NPSR1: variants seen among roughly 807,000 people sequenced by gnomAD.
The protein encoded by NPSR1 is neuropeptide S receptor.
In NPSR1, 48 loss-of-function variants were observed where a neutral mutation model predicts 46.9. The observed-to-expected ratio is 1.02, with a 90% CI of 0.81 to 1.30. NPSR1 has a LOEUF of 1.30. Among genes scored for constraint, NPSR1 ranks in the 50% most tolerant of loss-of-function variants. The pLI, the probability that NPSR1 is intolerant of heterozygous loss-of-function variation, is 0.00. For synonymous variants in NPSR1, 176 were observed against 168.1 expected (o/e 1.05, Z -0.36); for missense variants, 450 against 449.5 (o/e 1.00, Z -0.01).
At chr7:34,730,337 T>C (rs1784365952) in intron 2 of NPSR1, among the ~76,000 whole-genome samples, 1 of 152,206 alleles carries the variant, frequency 6.6e-6, no homozygotes. Flanking sequence ...CTGTGTTGCC[T>C]GAAGACCTCT....
chr7:34,802,184 A>G (rs1324766373), intron 3 of NPSR1, among the ~76,000 whole-genome samples: 9 of 150,464 alleles, frequency 6.0e-5, no homozygotes, highest in Non-Finnish European at 4.4e-5. Flanking sequence ...CAAGCTACAA[A>G]TGACTTTCTT....
chr7:34,823,399 G>GAAAAAGAAAAAAAAAAAAAAAAAAAAAA (rs1554336128), intron 4 of NPSR1, among the ~76,000 whole-genome samples: 1 of 68,272 alleles, frequency 1.5e-5, no homozygotes, highest in African/African-American at 5.1e-5. Context: ...GACTTCACCA[G>GAAAAAGAAAAAAAAAAAAAAAAAAAAAA]AAAAAAAAAA....
intron 8 of NPSR1, among the ~76,000 whole-genome samples, chr7:34,870,225 A>G (rs1306625688): frequency 6.6e-6 from 1 of 151,798 alleles, no homozygotes; most frequent in Non-Finnish European, 1.5e-5. Flanking sequence ...TAGTCATGTG[A>G]CTGTCACCCC....
chr7:34,841,783 C>A (rs529007793), intron 6 of NPSR1, among the ~76,000 whole-genome samples: 2 of 152,172 alleles, frequency 1.3e-5, no homozygotes, highest in Non-Finnish European at 2.9e-5. Flanking sequence ...GATTTCAGAG[C>A]ACAAATGTCA....
intron 2 of NPSR1, among the ~76,000 whole-genome samples, chr7:34,703,371 A>AAAATAAATAAATAAAT (rs35157717): frequency 7.4e-5 from 11 of 148,654 alleles, no homozygotes; most frequent in African/African-American, 2.0e-4. Context: ...ACTCCGTCTC[A>AAAATAAATAAATAAAT]AAATAAATAA....
Position 34,844,899 on chromosome 7 carries a change from G to C in NPSR1, c.761G>C (p.Gly254Ala). Residue 254 changes from glycine to alanine, a missense_variant, in exon 7 of 9, where the codon GGG becomes GCG. Coordinates refer to ENST00000360581, the MANE Select transcript of NPSR1 (RefSeq NM_207172.2). Reference protein sequence around the residue: ...YETVISNCSDGKLCSSYNRGL... With the variant: ...YETVISNCSDAKLCSSYNRGL... The stretch of plus-strand genomic sequence containing the variant: ...TATTCCCCTCTTGTATCTACAGATG[G>C]GAAACTGTGCAGCAGCTATAACCGA... 1 of 1,601,846 alleles carries C rather than the reference G, an allele frequency of 6.2e-7. No homozygotes were observed. Among genetic ancestry groups the C allele is most frequent in the Non-Finnish European group, 8.6e-7 (1 of 1,168,904 alleles).
chr7:34,820,557 G>A (rs1789501909), intron 4 of NPSR1, among the ~76,000 whole-genome samples: 1 of 152,170 alleles, frequency 6.6e-6, no homozygotes, highest in Non-Finnish European at 1.5e-5. Context: ...TTTATTCTGA[G>A]TGAAATATCA....
At chr7:34,722,314 T>C (rs1783900628) in intron 2 of NPSR1, among the ~76,000 whole-genome samples, 1 of 152,186 alleles carries the variant, frequency 6.6e-6, no homozygotes, top group Non-Finnish European at 1.5e-5. Context: ...TAAACTGTAA[T>C]ATGTGGTATA....
At chr7:34,871,064 C>G (rs978915896) in intron 8 of NPSR1, among the ~76,000 whole-genome samples, 6 of 151,798 alleles carry the variant, frequency 4.0e-5, no homozygotes, top group Non-Finnish European at 8.8e-5. Flanking sequence ...TTGATATAAA[C>G]AAGTATCTGG....
intron 7 of NPSR1, among the ~76,000 whole-genome samples, chr7:34,847,301 G>A (rs1790770060): frequency 6.6e-6 from 1 of 152,158 alleles, no homozygotes; most frequent in South Asian, 2.1e-4. Flanking sequence ...GGGAGAAGGA[G>A]AGTGGAGAAT....
At chr7:34,775,189 T>C (rs1382983982) in intron 2 of NPSR1, among the ~76,000 whole-genome samples, 1 of 152,248 alleles carries the variant, frequency 6.6e-6, no homozygotes, top group Non-Finnish European at 1.5e-5. Flanking sequence ...AATGTTCAGA[T>C]GGTCCATGTC....
At chr7:34,872,383 C>G (rs1361837417) in intron 8 of NPSR1, among the ~76,000 whole-genome samples, 2 of 151,960 alleles carry the variant, frequency 1.3e-5, no homozygotes, top group Admixed American at 1.3e-4. Context: ...TTCTAAAGTG[C>G]CTTCAAGGCC....
At chr7:34,733,418 T>TAAAAAA (rs34203443) in intron 2 of NPSR1, among the ~76,000 whole-genome samples, 2 of 131,772 alleles carry the variant, frequency 1.5e-5, no homozygotes. Flanking sequence ...GATTTTGTCT[T>TAAAAAA]AAAAAAAAAA....
At chr7:34,797,149 G>T (rs998027100) in intron 3 of NPSR1, among the ~76,000 whole-genome samples, 5 of 152,152 alleles carry the variant, frequency 3.3e-5, no homozygotes, top group African/African-American at 1.2e-4. Context: ...GCAAAACTCT[G>T]GAGAAAGTGA....
In NPSR1 at chr7:34,778,472, A is replaced by G. The variant is rs1246325236; in HGVS notation, c.291A>G (p.Thr97=). 3 of 1,597,038 alleles carry G rather than the reference A, an allele frequency of 1.9e-6. No individual in the cohort carries two copies. Among genetic ancestry groups the G allele is most frequent in the Non-Finnish European group, 2.6e-6 (3 of 1,166,412 alleles). The change falls in exon 3 of 9, where the codon ACA becomes ACG. Residue 97 remains threonine, a synonymous_variant. Coordinates refer to ENST00000360581, the MANE Select transcript of NPSR1 (RefSeq NM_207172.2). The part of the protein sequence containing the change: ...VTQLAITDSF[T]GLVNILTDIN... ...GTACGTTTTTGTTAGATTCTTTCAC[A>G]GGACTGGTCAACATCTTGACAGATA...
chr7:34,790,966 T>TATATATCATATATGTTATATGTTATATC (rs1491488398), intron 3 of NPSR1, among the ~76,000 whole-genome samples: 1 of 75,994 alleles, frequency 1.3e-5, no homozygotes, highest in Non-Finnish European at 2.8e-5. Flanking sequence ...TATGTTATAT[T>TATATATCATATATGTTATATGTTATATC]ATATATGTTA....
At position 34,740,138 on chromosome 7, in the gene NPSR1, G is replaced by T. The variant is rs1421392486; in HGVS notation, c.281-38324G>T. Among the ~76,000 whole-genome samples the T allele has an allele frequency of 3.9e-5, 6 of 152,130 alleles. No homozygotes were observed. In the East Asian group the frequency reaches 9.7e-4, roughly 25 times the overall value. ...GTCAATGGAGTTATGTTCCTGGGAG[G>T]ATTATGCCTGCCTCTGCTGTGTCAT... On this transcript the variant is annotated intron_variant, in intron 2 of 8. Coordinates refer to ENST00000360581, the MANE Select transcript of NPSR1 (RefSeq NM_207172.2).
At chr7:34,784,042 G>T (rs527413833) in intron 3 of NPSR1, among the ~76,000 whole-genome samples, 1 of 152,144 alleles carries the variant, frequency 6.6e-6, no homozygotes, top group South Asian at 2.1e-4. Context: ...AAAAAAGAGC[G>T]AGCTAATTAG....
intron 2 of NPSR1, among the ~76,000 whole-genome samples, chr7:34,746,991 G>A (rs1458649470): frequency 1.3e-5 from 2 of 152,054 alleles, no homozygotes; most frequent in African/African-American, 4.8e-5. Context: ...TGTGCATGGT[G>A]GAACGCACCT....
Sources: gnomAD v4.1 joint callset for allele counts (sites outside exome capture counted in the v4.1 genomes callset) on GRCh38, gnomAD v4.1.1 for gene constraint, MANE v1.5 for transcripts, NCBI Gene and HGNC (gene_info 2026-07-23, HGNC 2026-07-21) for gene names.